The following FAM47E variants were observed in gnomAD, a reference collection of about 807,000 sequenced individuals.
FAM47E encodes family with sequence similarity 47 member E, also known as protein FAM47E.
Under a neutral mutation model 41.6 loss-of-function variants are expected in FAM47E, and 32 were observed. That is an observed-to-expected ratio of 0.77 (90% CI 0.58 to 1.03). FAM47E has a LOEUF of 1.03. FAM47E is among the 50% of genes least tolerant of loss of function. The pLI, the probability that FAM47E is intolerant of heterozygous loss-of-function variation, is 0.00. For synonymous variants in FAM47E, 184 were observed against 188.7 expected (o/e 0.98, Z 0.20); for missense variants, 424 against 485.4 (o/e 0.87, Z 1.19).
intron 5 of FAM47E, among the ~76,000 whole-genome samples, chr4:76,276,645 G>T (rs990763579): frequency 1.3e-5 from 2 of 152,172 alleles, no homozygotes. Context: ...CCGGCCCAGG[G>T]TTACCATTTT....
At chr4:76,223,739 A>G (rs1221706576) in intron 2 of FAM47E, among the ~76,000 whole-genome samples, 3 of 152,214 alleles carry the variant, frequency 2.0e-5, no homozygotes, top group Non-Finnish European at 2.9e-5. Context: ...AGGCCCAGTC[A>G]CAAGTGTGCT....
chr4:76,230,900 T>C (rs1733482336), intron 2 of FAM47E, among the ~76,000 whole-genome samples: 1 of 152,190 alleles, frequency 6.6e-6, no homozygotes, highest in Non-Finnish European at 1.5e-5. Flanking sequence ...AGCTTGGGCA[T>C]GGCTTAATTG....
chr4:76,234,639 C>T (rs1394165549), intron 2 of FAM47E: 1 of 152,264 alleles, frequency 6.6e-6, no homozygotes, highest in African/African-American at 2.4e-5. Context: ...CGGGGACCCC[C>T]TCCCACCTGG....
intron 5 of FAM47E, among the ~76,000 whole-genome samples, chr4:76,273,059 A>G (rs1734957310): frequency 1.3e-5 from 2 of 152,160 alleles, no homozygotes; most frequent in East Asian, 1.9e-4. Flanking sequence ...TTATGTTCCA[A>G]GATCCTCCAG....
intron 2 of FAM47E, among the ~76,000 whole-genome samples, chr4:76,243,811 T>C (rs1401004687): frequency 6.6e-6 from 1 of 152,196 alleles, no homozygotes; most frequent in Non-Finnish European, 1.5e-5. Context: ...GTTACATAGG[T>C]ATACATGTGC....
intron 2 of FAM47E, chr4:76,217,760 TG>T: frequency 2.1e-6 from 1 of 483,576 alleles, no homozygotes; most frequent in Non-Finnish European, 3.7e-6. Context: ...GGAGATACGG[TG>T]ATCTCTCTAT....
At chr4:76,266,426 A>G (rs1458343236) in intron 3 of FAM47E, among the ~76,000 whole-genome samples, 1 of 152,084 alleles carries the variant, frequency 6.6e-6, no homozygotes, top group Non-Finnish European at 1.5e-5. Context: ...CCATCTTTCC[A>G]GTTTTTTTCT....
chr4:76,282,872 A>T (rs1457771713), intron 7 of FAM47E: 1 of 152,364 alleles, frequency 6.6e-6, no homozygotes, highest in African/African-American at 2.4e-5. Flanking sequence ...ACACACACAC[A>T]GTATATAAAT....
chr4:76,256,475 A>G lies in FAM47E; in HGVS notation c.372A>G (p.Pro124=). 2 of 1,551,662 alleles carry G rather than the reference A, an allele frequency of 1.3e-6. No homozygotes were observed. The highest frequency in any genetic ancestry group is 1.7e-6 in the Non-Finnish European group (2 of 1,147,008). Residue 124 remains proline (P), a synonymous_variant, in exon 2 of 8, where the codon CCA becomes CCG. Transcript: ENST00000424749. Reference sequence around the variant, plus strand: ...AGGACGTGGAGGCCCACCTGACCCCACATCCCTTAGCGCTCTACCTGAATC... The same window carrying G: ...AGGACGTGGAGGCCCACCTGACCCCGCATCCCTTAGCGCTCTACCTGAATC... The part of the protein sequence containing the change: ...FLEDVEAHLT[P]HPLALYLNLE...
chr4:76,214,117 G>A (rs1439244748), exon 1 of FAM47E: 1 of 412,154 alleles, frequency 2.4e-6, no homozygotes, highest in South Asian at 1.7e-5. Flanking sequence ...TACTCATTCC[G>A]CAGATAGGTC....
chr4:76,272,576 A>T (rs1022973887), intron 5 of FAM47E, among the ~76,000 whole-genome samples: 17 of 152,108 alleles, frequency 1.1e-4, no homozygotes, highest in Admixed American at 9.2e-4. Context: ...TCTATCCTTT[A>T]CTCCATTGCA....
chr4:76,273,713 TG>T (rs1306771557), intron 5 of FAM47E, among the ~76,000 whole-genome samples: 2 of 152,098 alleles, frequency 1.3e-5, no homozygotes, highest in African/African-American at 4.8e-5. Context: ...ACTTTTTTTT[TG>T]TTGTTTTTCA....
At chr4:76,247,560 C>T (rs534346337), upstream of FAM47E, among the ~76,000 whole-genome samples, 47 of 152,100 alleles carry the variant, frequency 3.1e-4, no homozygotes, top group Non-Finnish European at 5.7e-4. Flanking sequence ...ACCAGCAATG[C>T]ATGAGTGTCC....
At position 76,263,702 on chromosome 4, in the gene FAM47E, A is replaced by T. The variant is rs1243743157; in HGVS notation, c.421-2A>T. ...TCCTCTAAGACTATTTTCTGTTTGT[A>T]GCTCTTATCAAAGGTGCTGGAAGTG... On this transcript the variant is annotated splice_acceptor_variant, in intron 2 of 7. Coordinates refer to ENST00000424749, the MANE Select transcript of FAM47E (RefSeq NM_001136570.3). LOFTEE classifies it high-confidence loss of function. 3.9e-6 allele frequency: 6 copies of T among 1,550,586 alleles called. No individual in the cohort carries two copies. The Admixed American group carries it at 1.2e-4, about 31-fold the overall frequency.
chr4:76,241,834 T>C (rs969816842), intron 2 of FAM47E, among the ~76,000 whole-genome samples: 1 of 152,166 alleles, frequency 6.6e-6, no homozygotes, highest in Non-Finnish European at 1.5e-5. Flanking sequence ...AAATATCTAC[T>C]CATCCAAATA....
At chr4:76,268,539 A>C in intron 3 of FAM47E, 121 bp from the exon 4 acceptor site, 1 of 967,354 alleles carries the variant, frequency 1.0e-6, no homozygotes, top group Non-Finnish European at 1.5e-6. Context: ...TTTGTATGTG[A>C]GCTTGCAAGA....
intron 4 of FAM47E, among the ~76,000 whole-genome samples, chr4:76,269,805 A>G (rs544680228): frequency 6.5e-4 from 97 of 150,336 alleles, no homozygotes; most frequent in Non-Finnish European, 1.1e-3. Flanking sequence ...AAAAAATCTG[A>G]CATAAAGAGA....
At chr4:76,255,945 G>A (rs566872593) in intron 1 of FAM47E, among the ~76,000 whole-genome samples, 11 of 152,246 alleles carry the variant, frequency 7.2e-5, no homozygotes, top group African/African-American at 2.6e-4. Context: ...CGGATGTGGG[G>A]ATAAAATAGA....
intron 5 of FAM47E, among the ~76,000 whole-genome samples, chr4:76,275,505 C>T (rs1735058453): frequency 1.3e-5 from 2 of 152,270 alleles, no homozygotes; most frequent in South Asian, 4.1e-4. Flanking sequence ...CACTATGTGT[C>T]CAAAAGTGCT....
Sources: allele counts gnomAD v4.1 joint callset (sites outside exome capture counted in the v4.1 genomes callset), GRCh38; gene constraint gnomAD v4.1.1; transcripts MANE v1.5; gene names NCBI Gene and HGNC (gene_info 2026-07-23, HGNC 2026-07-21).